PINX1: variants seen among roughly 807,000 people sequenced by gnomAD.
The protein encoded by PINX1 is PIN2/TERF1-interacting telomerase inhibitor 1.
A neutral mutation model predicts 25.4 loss-of-function variants in PINX1; 34 were observed. The observed-to-expected ratio is 1.34, with a 90% CI of 1.02 to 1.78. The LOEUF is 1.78. Ranked by LOEUF, PINX1 falls within the 40% of genes most tolerant of loss-of-function variation. The probability of loss-of-function intolerance (pLI) is 0.00; values close to 1 mark genes in which losing one functional copy is unlikely to be tolerated. For synonymous variants in PINX1, 197 were observed against 147.7 expected, an observed-to-expected ratio of 1.33 and a Z score of -2.42; for missense variants, 592 against 404.9, an observed-to-expected ratio of 1.46 and a Z score of -3.97.
rs563763264 is a variant in PINX1 at position 10,788,592 on chromosome 8, T to A, written c.472-22676A>T. 3.7e-3 allele frequency among the ~76,000 whole-genome samples: 564 copies of A among 151,592 alleles called. 2 individuals are homozygous for A. Among genetic ancestry groups the A allele is most frequent in the African/African-American group, 0.012 (508 of 41,400 alleles). On this transcript the variant is annotated intron_variant, in intron 6 of 6. Transcript: ENST00000314787. ...AAAAAAAACAGGAAAAAAAAGTGAA[T>A]GTATATCTATTGGTATAATATCATT...
chr8:10,807,333 C>A lies in PINX1; in HGVS notation c.471+12860G>T, dbSNP rs1354091031. Among the ~76,000 whole-genome samples the A allele has an allele frequency of 2.0e-4, 20 of 98,246 alleles. 1 individual carries two copies. In the East Asian group the frequency reaches 7.2e-3, roughly 36 times the overall value. The allele number at this position is 98,246 out of a possible 152,430, so 64.5% of individuals were successfully genotyped here. On this transcript the variant is annotated intron_variant, in intron 6 of 6. Coordinates refer to ENST00000314787, the MANE Select transcript of PINX1 (RefSeq NM_017884.6). Reference sequence around the variant, plus strand: ...TCAAGAAAATCCCCCCCCCACCCCCCCCCCCACCAAAGTAGAACAAAGATA... The same window carrying A: ...TCAAGAAAATCCCCCCCCCACCCCCACCCCCACCAAAGTAGAACAAAGATA...
intron 6 of PINX1, among the ~76,000 whole-genome samples, chr8:10,814,296 T>C (rs940031356): frequency 6.6e-6 from 1 of 152,194 alleles, no homozygotes; most frequent in Non-Finnish European, 1.5e-5. Context: ...AACTGGCAGT[T>C]CGTGATGATC....
intron 1 of PINX1, among the ~76,000 whole-genome samples, chr8:10,838,066 T>C (rs762693372): frequency 6.6e-6 from 1 of 152,212 alleles, no homozygotes; most frequent in Non-Finnish European, 1.5e-5. Context: ...CCTAACCAAG[T>C]TGTCGCTGTA....
Position 10,802,826 on chromosome 8 carries a change from G to C in PINX1, c.471+17367C>G, listed in dbSNP as rs181172932. Among the ~76,000 whole-genome samples, 225 of 152,296 alleles carry C rather than the reference G, an allele frequency of 1.5e-3. 2 individuals are homozygous for C. The highest frequency in any genetic ancestry group is 5.1e-3 in the African/African-American group (210 of 41,570). ...AAAGAACCAAGATATGGATTCTCCT[G>C]GGACAACTATCTTTCTTCTCTTTGT... On this transcript the variant is annotated intron_variant, in intron 6 of 6. Coordinates refer to ENST00000314787, the MANE Select transcript of PINX1 (RefSeq NM_017884.6).
At chr8:10,837,917 C>T (rs182417816) in intron 1 of PINX1, among the ~76,000 whole-genome samples, 2 of 152,308 alleles carry the variant, frequency 1.3e-5, no homozygotes, top group East Asian at 1.9e-4. Context: ...CTGCAACCTA[C>T]GTTAGAACTT....
intron 6 of PINX1, among the ~76,000 whole-genome samples, chr8:10,782,297 A>G (rs1185168598): frequency 6.6e-6 from 1 of 152,150 alleles, no homozygotes; most frequent in African/African-American, 2.4e-5. Flanking sequence ...GGCTAATAAC[A>G]GTGTACTGTG....
chr8:10,833,550 A>T (rs1266984695), intron 2 of PINX1: 1 of 151,222 alleles, frequency 6.6e-6, no homozygotes, highest in Non-Finnish European at 1.4e-5. Context: ...TGGAGAAGAG[A>T]CGACTGGGGT....
chr8:10,829,037 C>T (rs892577998), intron 4 of PINX1, among the ~76,000 whole-genome samples: 3 of 152,164 alleles, frequency 2.0e-5, no homozygotes, highest in African/African-American at 7.2e-5. Flanking sequence ...CCTGTAACCC[C>T]AGCACCTTGA....
intron 6 of PINX1, among the ~76,000 whole-genome samples, chr8:10,817,147 C>T (rs771277495): frequency 2.6e-5 from 4 of 152,160 alleles, no homozygotes; most frequent in African/African-American, 9.7e-5. Context: ...AGATCAGCAT[C>T]GGCACCTAAC....
chr8:10,835,392 C>A (rs1209401869), intron 1 of PINX1, among the ~76,000 whole-genome samples: 1 of 152,186 alleles, frequency 6.6e-6, no homozygotes, highest in Admixed American at 6.5e-5. Context: ...TTAAACCAAC[C>A]TTGGTCCTAC....
intron 6 of PINX1, among the ~76,000 whole-genome samples, chr8:10,816,958 GA>G (rs2129084730): frequency 6.6e-6 from 1 of 152,310 alleles, no homozygotes; most frequent in South Asian, 2.1e-4. Flanking sequence ...AGGATGAAAT[GA>G]GAAAAATCCA....
intron 6 of PINX1, among the ~76,000 whole-genome samples, chr8:10,800,736 C>G (rs186906630): frequency 6.6e-6 from 1 of 152,272 alleles, no homozygotes; most frequent in East Asian, 1.9e-4. Flanking sequence ...TCCCAAAGTG[C>G]TGGGATTACC....
intron 5 of PINX1, among the ~76,000 whole-genome samples, chr8:10,824,601 G>T (rs562809310): frequency 6.6e-6 from 1 of 152,202 alleles, no homozygotes; most frequent in African/African-American, 2.4e-5. Flanking sequence ...ACTAGAAATA[G>T]AAAGCAGATG....
intron 6 of PINX1, among the ~76,000 whole-genome samples, chr8:10,808,359 G>A (rs1338918093): frequency 1.3e-5 from 2 of 152,224 alleles, no homozygotes; most frequent in African/African-American, 4.8e-5. Context: ...GGCTTGTGAG[G>A]TGGAGTGGCA....
At chr8:10,806,827 C>T (rs1179033744) in intron 6 of PINX1, among the ~76,000 whole-genome samples, 3 of 152,100 alleles carry the variant, frequency 2.0e-5, no homozygotes, top group Non-Finnish European at 2.9e-5. Context: ...AGGACCTCCC[C>T]ACTAGTCCAC....
chr8:10,827,855 G>A (rs1183086199), intron 4 of PINX1, among the ~76,000 whole-genome samples: 1 of 144,892 alleles, frequency 6.9e-6, no homozygotes. Flanking sequence ...AGCTTGCAGC[G>A]AGCCGAAATC....
At chr8:10,777,887 G>A (rs1486900694) in intron 6 of PINX1, among the ~76,000 whole-genome samples, 4 of 152,226 alleles carry the variant, frequency 2.6e-5, no homozygotes, top group African/African-American at 9.6e-5. Flanking sequence ...CCAGGTTGCA[G>A]AGCGGGTGCC....
intron 6 of PINX1, among the ~76,000 whole-genome samples, chr8:10,788,773 C>G (rs780859871): frequency 2.0e-5 from 3 of 152,084 alleles, no homozygotes; most frequent in Non-Finnish European, 2.9e-5. Flanking sequence ...GGAAGCCAAC[C>G]AAGGCAGAAA....
chr8:10,785,043 A>C (rs1192356381), intron 6 of PINX1, among the ~76,000 whole-genome samples: 1 of 152,176 alleles, frequency 6.6e-6, no homozygotes, highest in Non-Finnish European at 1.5e-5. Context: ...AATAAACATA[A>C]AGAGCGTATC....
Sources: gnomAD v4.1 joint callset for allele counts (sites outside exome capture counted in the v4.1 genomes callset) on GRCh38, gnomAD v4.1.1 for gene constraint, MANE v1.5 for transcripts, NCBI Gene and HGNC (gene_info 2026-07-23, HGNC 2026-07-21) for gene names.